The following TNKS variants were observed in gnomAD, a reference collection of about 807,000 sequenced individuals.
TNKS encodes poly [ADP-ribose] polymerase tankyrase-1.
In TNKS, 72 loss-of-function variants were observed where a neutral mutation model predicts 135.8. The observed-to-expected ratio is 0.53, with a 90% confidence interval of 0.44 to 0.64. TNKS has a LOEUF of 0.64. Among genes scored for constraint, TNKS ranks in the 30% least tolerant of loss-of-function variants. The probability of loss-of-function intolerance (pLI) is 0.00; values close to 1 mark genes in which losing one functional copy is unlikely to be tolerated. For missense variants in TNKS, 1,769 were observed against 1,674.0 expected, an observed-to-expected ratio of 1.06 and a Z score of -0.99; for synonymous variants, 849 against 649.3, an observed-to-expected ratio of 1.31 and a Z score of -4.68.
chr8:9,703,537 C>A (rs1298352641), intron 5 of TNKS, among the ~76,000 whole-genome samples: 2 of 152,154 alleles, frequency 1.3e-5, no homozygotes, highest in Non-Finnish European at 2.9e-5. Context: ...GTTCAGGACT[C>A]TTCTAATCTG....
chr8:9,671,442 C>T (rs73526947), intron 3 of TNKS, among the ~76,000 whole-genome samples: 4,825 of 152,134 alleles, frequency 0.032, 187 homozygotes, highest in African/African-American at 0.095. Flanking sequence ...ATCAAAGTAC[C>T]GATATGTCCA....
At chr8:9,705,996 A>G (rs1462468814) in intron 6 of TNKS, among the ~76,000 whole-genome samples, 191 bp from the exon 7 acceptor site, 2 of 152,204 alleles carry the variant, frequency 1.3e-5, no homozygotes, top group Non-Finnish European at 2.9e-5. Flanking sequence ...CAAGGATTAT[A>G]TACAAAAAAC....
intron 13 of TNKS, among the ~76,000 whole-genome samples, chr8:9,729,136 C>T (rs530570334): frequency 3.7e-4 from 56 of 152,184 alleles, no homozygotes; most frequent in Non-Finnish European, 3.4e-4. Flanking sequence ...TGGCAGAAGG[C>T]GGAAGGGCAA....
chr8:9,569,377 C>T (rs867133051), intron 1 of TNKS, among the ~76,000 whole-genome samples: 7 of 152,208 alleles, frequency 4.6e-5, no homozygotes, highest in Non-Finnish European at 8.8e-5. Flanking sequence ...TATCTGCAAT[C>T]CATAAGCTCC....
At chr8:9,573,616 C>T (rs1036486158) in intron 1 of TNKS, among the ~76,000 whole-genome samples, 3 of 152,126 alleles carry the variant, frequency 2.0e-5, no homozygotes, top group Non-Finnish European at 4.4e-5. Flanking sequence ...TAGACAACCC[C>T]AAACTTAGTT....
At chr8:9,707,036 G>A in intron 8 of TNKS, 39 bp downstream of exon 8, 3 of 1,480,600 alleles carry the variant, frequency 2.0e-6, no homozygotes, top group South Asian at 1.3e-5. Context: ...CGCATAAATT[G>A]GAATATTTAA....
chr8:9,734,773 G>C (rs1049524174), intron 15 of TNKS, 92 bp from the exon 16 acceptor site: 3 of 1,109,182 alleles, frequency 2.7e-6, no homozygotes, highest in Non-Finnish European at 3.9e-6. Context: ...CTTCCCCAGA[G>C]GAACAAAGGT....
chr8:9,568,031 A>G (rs973893389), intron 1 of TNKS, among the ~76,000 whole-genome samples: 1 of 152,206 alleles, frequency 6.6e-6, no homozygotes, highest in East Asian at 1.9e-4. Context: ...AATATGGAAA[A>G]TAGTATATTT....
intron 3 of TNKS, among the ~76,000 whole-genome samples, chr8:9,647,552 C>G (rs1242619990): frequency 6.6e-6 from 1 of 152,148 alleles, no homozygotes; most frequent in Non-Finnish European, 1.5e-5. Flanking sequence ...GAGAACAACC[C>G]AGAGGCAGTA....
chr8:9,564,228 C>G (rs1306096487), intron 1 of TNKS, among the ~76,000 whole-genome samples: 1 of 152,062 alleles, frequency 6.6e-6, no homozygotes, highest in Non-Finnish European at 1.5e-5. Context: ...TAAAGCATTC[C>G]CTACCCCATC....
chr8:9,764,795 GT>G lies in TNKS; in HGVS notation c.3447+10del. The G allele has an allele frequency of 1.3e-6, 2 of 1,582,720 alleles. No individual in the cohort carries two copies. Among genetic ancestry groups the G allele is most frequent in the Non-Finnish European group, 1.7e-6 (2 of 1,166,762 alleles). On this transcript the variant is annotated splice_donor_region_variant and intron_variant, in intron 23 of 26. Transcript: ENST00000310430. ...AACAGATACAATGTCATTCGAGTAA[GT>G]TTTTAAAGTTTCATGGTGAAAACTG...
intron 9 of TNKS, among the ~76,000 whole-genome samples, chr8:9,709,014 G>A (rs907113087): frequency 4.6e-5 from 7 of 151,972 alleles, no homozygotes; most frequent in Non-Finnish European, 7.4e-5. Flanking sequence ...ATGCACTTTC[G>A]GAAAGATTTA....
chr8:9,718,681 G>A (rs1804725013), intron 11 of TNKS, among the ~76,000 whole-genome samples: 1 of 152,100 alleles, frequency 6.6e-6, no homozygotes, highest in Non-Finnish European at 1.5e-5. Flanking sequence ...AAGGAAAAGT[G>A]GGAATATGTT....
At chr8:9,560,969 G>C (rs149623386) in intron 1 of TNKS, among the ~76,000 whole-genome samples, 11 of 152,084 alleles carry the variant, frequency 7.2e-5, no homozygotes, top group African/African-American at 2.7e-4. Flanking sequence ...GAACAAATTA[G>C]CCATTTATAA....
chr8:9,609,066 C>G (rs1243559652), intron 2 of TNKS, among the ~76,000 whole-genome samples: 4 of 151,792 alleles, frequency 2.6e-5, no homozygotes, highest in East Asian at 1.9e-4. Flanking sequence ...TACATTTGCC[C>G]TATTATTTTT....
At chr8:9,566,548 A>G (rs1031136852) in intron 1 of TNKS, 3 of 150,804 alleles carry the variant, frequency 2.0e-5, no homozygotes, top group Admixed American at 6.6e-5. Context: ...TGATCTTCTG[A>G]CATTCTTAAG....
At chr8:9,681,305 T>A (rs1048745973) in intron 5 of TNKS, 2 of 152,262 alleles carry the variant, frequency 1.3e-5, no homozygotes, top group African/African-American at 4.8e-5. Flanking sequence ...TAAGTTTTAG[T>A]TGTGGAATAT....
intron 5 of TNKS, among the ~76,000 whole-genome samples, chr8:9,700,282 C>T (rs1803732308): frequency 6.6e-6 from 1 of 152,176 alleles, no homozygotes; most frequent in African/African-American, 2.4e-5. Flanking sequence ...CATTTATATG[C>T]ATTTCCTTTA....
At chr8:9,559,263 C>T (rs767204565) in intron 1 of TNKS, among the ~76,000 whole-genome samples, 2 of 152,034 alleles carry the variant, frequency 1.3e-5, no homozygotes, top group Admixed American at 1.3e-4. Flanking sequence ...GTAATAGGAG[C>T]TCTTATCCTT....
Sources: gnomAD v4.1 joint callset for allele counts (sites outside exome capture counted in the v4.1 genomes callset) on GRCh38, gnomAD v4.1.1 for gene constraint, MANE v1.5 for transcripts, NCBI Gene and HGNC (gene_info 2026-07-23, HGNC 2026-07-21) for gene names.